Variants in PKP3 observed in about 807,000 individuals in gnomAD.
The protein encoded by PKP3 is plakophilin 3.
Under a neutral mutation model 76.5 loss-of-function variants are expected in PKP3, and 66 were observed. The ratio of observed to expected loss-of-function variants is 0.86; its 90% CI spans 0.71 to 1.06. The LOEUF (loss-of-function observed/expected upper bound fraction) is 1.06. PKP3 is among the 50% of genes least tolerant of loss of function. The pLI, the probability that PKP3 is intolerant of heterozygous loss-of-function variation, is 0.00. For synonymous variants in PKP3, 638 were observed against 516.5 expected, an observed-to-expected ratio of 1.24 and a Z score of -3.19; for missense variants, 1,338 against 1,141.0, an observed-to-expected ratio of 1.17 and a Z score of -2.49.
chr11:404,353 G>C lies in PKP3; in HGVS notation c.2358+30G>C, dbSNP rs2133608978. 6.3e-7 allele frequency: 1 copy of C among 1,590,420 alleles called. No homozygotes were observed. The highest frequency in any genetic ancestry group is 8.6e-7 in the Non-Finnish European group (1 of 1,159,698). ...GTTTCCCGAGCCCAGGGCAAGCAGG[G>C]ACCCGGGTGCAGGGCATGGGACGCC... On this transcript the variant is annotated intron_variant, in intron 12 of 12. Transcript: ENST00000331563. This position sits in a 1 kb window ranked among gnomAD's most constrained non-coding sequence, Gnocchi z 4.2.
chr11:404,398 G>C lies in PKP3; in HGVS notation c.2358+75G>C. Reference sequence around the variant, plus strand: ...GACGCCGGGGGAGGGTCAGTGAAGAGGCCCATGGGAGGATGGAGACCAGGG... The same window carrying C: ...GACGCCGGGGGAGGGTCAGTGAAGACGCCCATGGGAGGATGGAGACCAGGG... On this transcript the variant is annotated intron_variant, in intron 12 of 12. Transcript: ENST00000331563. The surrounding 1 kb of genome is among the most constrained non-coding windows in gnomAD (Gnocchi z 4.2). 1 of 1,482,840 alleles carries C rather than the reference G, an allele frequency of 6.7e-7. No homozygotes were observed. The allele number at this position is 1,482,840 out of a possible 1,614,324, so 91.9% of individuals were successfully genotyped here.
chr11:400,124 C>G lies in PKP3; in HGVS notation c.1431C>G (p.Asn477Lys), dbSNP rs139128100. Residue 477 changes from asparagine to lysine, a missense_variant, in exon 6 of 13, where the codon AAC becomes AAG. By Grantham distance (94) the Asn-to-Lys change is moderately conservative. Coordinates refer to ENST00000331563, the MANE Select transcript of PKP3 (RefSeq NM_007183.4). ...QNASEAEIFY[N>K]ATGFLRNLSS... is the part of the protein sequence containing the mutation. ...CCTCGGAGGCAGAGATCTTCTACAACGCCACCGGCTTCCTCAGGTGCGCCA... is the reference window on the plus strand; with the variant it reads ...CCTCGGAGGCAGAGATCTTCTACAAGGCCACCGGCTTCCTCAGGTGCGCCA... The G allele has an allele frequency of 7.0e-3, 11,013 of 1,566,322 alleles. 51 individuals carry two copies. Among genetic ancestry groups the G allele is most frequent in the Non-Finnish European group, 8.2e-3 (9,531 of 1,159,796 alleles).
chr11:394,365 G>T lies in PKP3; in HGVS notation c.73G>T (p.Asp25Tyr). ...AGVCSLALPSDLQLDRRGAEG... is the reference protein window; with the variant it reads ...AGVCSLALPSYLQLDRRGAEG... The stretch of plus-strand genomic sequence containing the variant: ...CGTGTGCTCCCTGGCGCTGCCCTCT[G>T]ACCTGCAGCTGGACCGCCGGGGCGC... Residue 25 changes from aspartate (D) to tyrosine (Y), a missense_variant, in exon 1 of 13, where the codon GAC (aspartate) becomes TAC (tyrosine). Asp to Tyr is a radical substitution (Grantham distance 160, BLOSUM62 -3). Coordinates refer to ENST00000331563, the MANE Select transcript of PKP3 (RefSeq NM_007183.4). The T allele has an allele frequency of 6.6e-7, 1 of 1,505,402 alleles. No individual in the cohort carries two copies. The highest frequency in any genetic ancestry group is 1.2e-5 in the South Asian group (1 of 81,428). The allele number at this position is 1,505,402 out of a possible 1,614,324, so 93.3% of individuals were successfully genotyped here.
At chr11:392,801 C>T (rs1270838787), upstream of PKP3, 2 of 570,320 alleles carry the variant, frequency 3.5e-6, no homozygotes, top group Non-Finnish European at 3.0e-6. Flanking sequence ...TCCCCTCCCC[C>T]TTTAACCCCC....
chr11:404,276 C>T lies in PKP3; in HGVS notation c.2311C>T (p.Leu771=), dbSNP rs1847215871. ...GTCCTCCCGGGCAGCATCCAGCCTC[C>T]TGGCCAACCTGTGGCAGTACAACAA... ...EKSSRAASSL[L]ANLWQYNKLH... is the part of the protein sequence containing the mutation. The change falls in exon 12 of 13, where the codon CTG becomes TTG. Residue 771 remains leucine (L), a synonymous_variant. Transcript: ENST00000331563. The surrounding 1 kb of genome is among the most constrained non-coding windows in gnomAD (Gnocchi z 4.2). The T allele has an allele frequency of 6.2e-7, 1 of 1,612,674 alleles. No individual in the cohort carries two copies.
intron 3 of PKP3, 27 bp downstream of exon 3, chr11:397,472 G>T (rs1200368216): frequency 6.2e-7 from 1 of 1,611,746 alleles, no homozygotes; most frequent in Admixed American, 1.7e-5. Flanking sequence ...GGCTCAGGGA[G>T]GGGGCTTCTA....
chr11:400,298 G>A (rs1159189342), intron 6 of PKP3, 36 bp from the exon 7 acceptor site: 1 of 1,501,692 alleles, frequency 6.7e-7, no homozygotes, highest in Non-Finnish European at 9.0e-7. Context: ...CGGGATGCGG[G>A]GTCCCTGGGG....
rs1483651862 is a variant in PKP3, at chr11:403,687, A to G, written c.1993A>G (p.Arg665Gly). 6.2e-7 allele frequency: 1 copy of G among 1,610,332 alleles called. No homozygotes were observed. The highest frequency in any genetic ancestry group is 1.3e-5 in the African/African-American group (1 of 74,858). ...TCTGAACCCCCTGCTAGACCGTGTC[A>G]GGACCGCCGACCACCACCAGCTGCG... ...RILNPLLDRV[R>G]TADHHQLRSL... The change falls in exon 10 of 13, where the codon AGG (arginine) becomes GGG (glycine). Residue 665 changes from arginine (R) to glycine (G), a missense_variant. Physicochemically the swap from Arg to Gly is moderately radical, Grantham distance 125. Transcript: ENST00000331563.
chr11:400,681 G>A lies in PKP3; in HGVS notation c.1713G>A (p.Thr571=), dbSNP rs1261281513. The A allele has an allele frequency of 5.1e-5, 66 of 1,293,686 alleles. 1 individual carries two copies. Among genetic ancestry groups the A allele is most frequent in the Non-Finnish European group, 6.3e-5 (64 of 1,019,886 alleles). The allele number at this position is 1,293,686 out of a possible 1,614,324, so 80.1% of individuals were successfully genotyped here. A position where few individuals can be genotyped will look rare whatever the true frequency, so the allele number is the denominator to read the frequency against. Residue 571 remains threonine, a synonymous_variant, in exon 8 of 13, where the codon ACG becomes ACA. Coordinates refer to ENST00000331563, the MANE Select transcript of PKP3 (RefSeq NM_007183.4). ...CGGGAGAGGTCGTGGGCTGCTTCAC[G>A]CCGCAGAGCCGGCGGCTGCGCGAGG... ...APPGEVVGCF[T]PQSRRLRELP...
rs1847146565 is a variant in PKP3 at position 400,837 on chromosome 11, C to CA, written c.1737+132_1737+133insA. Reference sequence around the variant, plus strand: ...CCCCGCTCACCCCGGACCCCGCTCACCCCCGCCCCGCTCACCCCCGACCCC... The same window carrying CA: ...CCCCGCTCACCCCGGACCCCGCTCACACCCCGCCCCGCTCACCCCCGACCCC... On this transcript the variant is annotated intron_variant, in intron 8 of 12. Coordinates refer to ENST00000331563, the MANE Select transcript of PKP3 (RefSeq NM_007183.4). The CA allele has an allele frequency of 8.8e-6, 2 of 227,716 alleles. 1 individual carries two copies. The highest frequency in any genetic ancestry group is 1.3e-5 in the Non-Finnish European group (2 of 155,252). The allele number at this position is 227,716 out of a possible 1,614,324, so 14.1% of individuals were successfully genotyped here.
Position 394,263 on chromosome 11 carries a change from G to A in PKP3, c.-30G>A, listed in dbSNP as rs1224024783. ...AAGATAGTTGGGTTTGGAGGCGGCC[G>A]CCAGGCCCAGGCCCGGTGGACCTGC... On this transcript the variant is annotated 5_prime_UTR_variant, in exon 1 of 13. Transcript: ENST00000331563. 25 of 1,468,420 alleles carry A rather than the reference G, an allele frequency of 1.7e-5. No individual in the cohort carries two copies. The highest frequency in any genetic ancestry group is 2.8e-5 in the East Asian group (1 of 35,858). The allele number at this position is 1,468,420 out of a possible 1,614,324, so 91.0% of individuals were successfully genotyped here.
rs572755322 is a variant in PKP3, at chr11:400,603, C to A, written c.1635C>A (p.Ser545=). 3 of 1,453,126 alleles carry A rather than the reference C, an allele frequency of 2.1e-6. No individual in the cohort carries two copies. Among genetic ancestry groups the A allele is most frequent in the East Asian group, 2.8e-5 (1 of 35,118 alleles). The allele number at this position is 1,453,126 out of a possible 1,614,324, so 90.0% of individuals were successfully genotyped here. A position where few individuals can be genotyped will look rare whatever the true frequency, so the allele number is the denominator to read the frequency against. Residue 545 remains serine, a synonymous_variant, in exon 8 of 13, where the codon TCC becomes TCA. Coordinates refer to ENST00000331563, the MANE Select transcript of PKP3 (RefSeq NM_007183.4). ...SYRLYDEMPP[S]ALQRLEGRGR... Reference sequence around the variant, plus strand: ...GCCTCTACGACGAGATGCCGCCGTCCGCGCTGCAGCGGCTGGAGGGTCGCG... The same window carrying A: ...GCCTCTACGACGAGATGCCGCCGTCAGCGCTGCAGCGGCTGGAGGGTCGCG...
intron 5 of PKP3, 45 bp from the exon 6 acceptor site, chr11:399,922 G>C: frequency 6.7e-7 from 1 of 1,502,190 alleles, no homozygotes; most frequent in Middle Eastern, 2.3e-4. Flanking sequence ...AAACGCGGAG[G>C]GGGTTGGAGG....
intron 10 of PKP3, 72 bp from the exon 11 acceptor site, chr11:403,871 G>A: frequency 1.9e-6 from 3 of 1,565,184 alleles, no homozygotes; most frequent in Non-Finnish European, 2.6e-6. Flanking sequence ...CAGCTCCCTG[G>A]GGGAGGCAGG....
Position 396,605 on chromosome 11 carries a change from C to T in PKP3, c.233-3C>T. 6 of 1,599,012 alleles carry T rather than the reference C, an allele frequency of 3.8e-6. No homozygotes were observed. The highest frequency in any genetic ancestry group is 5.1e-6 in the Non-Finnish European group (6 of 1,172,222). ...GCTGGGCTACCACCGTCCCTCTCCA[C>T]AGGCACATCCAGGGGGCAGTACCAC... On this transcript the variant is annotated splice_region_variant and splice_polypyrimidine_tract_variant and intron_variant, in intron 1 of 12. Coordinates refer to ENST00000331563, the MANE Select transcript of PKP3 (RefSeq NM_007183.4).
At position 400,548 on chromosome 11, in the gene PKP3, C is replaced by G; in HGVS notation, c.1580C>G (p.Ala527Gly). The change falls in exon 8 of 13, where the codon GCG becomes GGG. Residue 527 changes from alanine (A) to glycine (G), a missense_variant. By Grantham distance (60) the Ala-to-Gly change is moderately conservative (BLOSUM62 0). Transcript: ENST00000331563. ...GKCEDKSVEN[A>G]VCVLRNLSYR... ...CCCCGCCCGCAGAGCGTGGAGAACG[C>G]GGTGTGCGTCCTGCGGAACCTGTCC... 6 of 1,495,482 alleles carry G rather than the reference C, an allele frequency of 4.0e-6. No homozygotes were observed. Among genetic ancestry groups the G allele is most frequent in the Non-Finnish European group, 5.3e-6 (6 of 1,129,552 alleles). 92.6% of individuals were successfully genotyped at this position (1,495,482 alleles called of 1,614,324 possible). A position where few individuals can be genotyped will look rare whatever the true frequency, so the allele number is the denominator to read the frequency against.
In PKP3 at chr11:404,516, G is replaced by A. The variant is rs1186256679; in HGVS notation, c.2359-18G>A. On this transcript the variant is annotated intron_variant, in intron 12 of 12. Transcript: ENST00000331563. The surrounding 1 kb of genome is among the most constrained non-coding windows in gnomAD (Gnocchi z 4.2). ...TGGGCAGACATGCACCCTGACCTTG[G>A]GCCTCTCTCCACTGTAGAAGGGCTA... 3.7e-6 allele frequency: 6 copies of A among 1,612,052 alleles called. No individual in the cohort carries two copies. The highest frequency in any genetic ancestry group is 1.3e-5 in the African/African-American group (1 of 74,900).
At position 397,582 on chromosome 11, in the gene PKP3, G is replaced by T; in HGVS notation, c.988G>T (p.Ala330Ser). 1 of 1,612,174 alleles carries T rather than the reference G, an allele frequency of 6.2e-7. No individual in the cohort carries two copies. Among genetic ancestry groups the T allele is most frequent in the South Asian group, 1.1e-5 (1 of 91,082 alleles). ...DLPSAVKYLM[A>S]SDPNLQVLGA... ...GCCCTCAGCAGTCAAGTACCTCATG[G>T]CTTCAGACCCCAACCTGCAGGTGCT... The change falls in exon 4 of 13, where the codon GCT becomes TCT. Residue 330 changes from alanine (A) to serine (S), a missense_variant. Physicochemically the swap from Ala to Ser is moderately conservative, Grantham distance 99 (BLOSUM62 1). Coordinates refer to ENST00000331563, the MANE Select transcript of PKP3 (RefSeq NM_007183.4).
rs1564879911 is a variant in PKP3 at position 398,805 on chromosome 11, GCGTCACCTCCGTACCCCCGCACACACCTC to G, written c.1069-176_1069-148del. ...CACCTCCGTACCCCCGCACACACCT[GCGTCACCTCCGTACCCCCGCACACACCTC>G]CGTCACCTCCCTACCGCCGCACACA... On this transcript the variant is annotated intron_variant, in intron 4 of 12. Transcript: ENST00000331563. 4.0e-3 allele frequency among the ~76,000 whole-genome samples: 424 copies of G among 106,764 alleles called. 11 individuals are homozygous for G. Among genetic ancestry groups the G allele is most frequent in the African/African-American group, 0.015 (390 of 25,364 alleles). The allele number at this position is 106,764 out of a possible 152,430, so 70.0% of individuals were successfully genotyped here.
Sources: gnomAD v4.1 joint callset for allele counts (sites outside exome capture counted in the v4.1 genomes callset) on GRCh38, gnomAD v4.1.1 for gene constraint, Gnocchi (gnomAD v3.1) non-coding constraint, MANE v1.5 for transcripts, NCBI Gene and HGNC (gene_info 2026-07-23, HGNC 2026-07-21) for gene names.